Variants in STPG2 observed in about 807,000 individuals in gnomAD.
The protein encoded by STPG2 is sperm tail PG-rich repeat containing 2, also known as sperm-tail PG-rich repeat-containing protein 2.
A neutral mutation model predicts 54.2 loss-of-function variants in STPG2; 56 were observed. The ratio of observed to expected loss-of-function variants is 1.03; its 90% CI spans 0.83 to 1.29. STPG2 has a LOEUF of 1.29. Ranked by LOEUF, STPG2 falls within the 50% of genes most tolerant of loss-of-function variation. STPG2 has a pLI of 0.00. For missense variants in STPG2, 596 were observed against 544.9 expected, an observed-to-expected ratio of 1.09 and a Z score of -0.93; for synonymous variants, 200 against 181.8, an observed-to-expected ratio of 1.10 and a Z score of -0.81.
chr4:98,031,695 A>T (rs978034618), intron 5 of STPG2, among the ~76,000 whole-genome samples: 2 of 152,106 alleles, frequency 1.3e-5, no homozygotes, highest in Admixed American at 6.6e-5. Context: ...CAAAAAAAAT[A>T]AAAAATAAAA....
At chr4:97,660,063 C>T (rs372967459) in intron 10 of STPG2, among the ~76,000 whole-genome samples, 1 of 149,714 alleles carries the variant, frequency 6.7e-6, no homozygotes, top group Non-Finnish European at 1.5e-5. Flanking sequence ...AGTGCAGTGG[C>T]GCAATCTCAG....
chr4:97,836,861 A>G (rs1024950460), intron 9 of STPG2, among the ~76,000 whole-genome samples: 5 of 149,036 alleles, frequency 3.4e-5, no homozygotes, highest in African/African-American at 7.3e-5. Context: ...ATAAATGATA[A>G]TTAATAACAA....
intron 9 of STPG2, among the ~76,000 whole-genome samples, chr4:97,757,986 T>A (rs752788651): frequency 2.6e-5 from 4 of 152,224 alleles, no homozygotes; most frequent in African/African-American, 7.2e-5. Context: ...TGTAGAATAC[T>A]AAACAATTTT....
intron 8 of STPG2, among the ~76,000 whole-genome samples, chr4:97,934,053 G>T (rs1732654125): frequency 6.6e-6 from 1 of 152,160 alleles, no homozygotes; most frequent in Admixed American, 6.5e-5. Flanking sequence ...GCAGTGGTTT[G>T]TAGTTCTCCT....
intron 4 of STPG2, among the ~76,000 whole-genome samples, chr4:97,540,945 A>T (rs1413613960): frequency 6.6e-6 from 1 of 152,188 alleles, no homozygotes; most frequent in Admixed American, 6.5e-5. Context: ...ACTCTCAATA[A>T]ATTAGGTATG....
chr4:97,943,288 A>C (rs1194437768), intron 8 of STPG2, among the ~76,000 whole-genome samples: 19 of 152,178 alleles, frequency 1.2e-4, no homozygotes, highest in Non-Finnish European at 1.5e-5. Flanking sequence ...GGATACAAAC[A>C]TTTAGACTCT....
intron 8 of STPG2, among the ~76,000 whole-genome samples, chr4:97,849,561 A>G (rs887734619): frequency 3.7e-4 from 56 of 152,188 alleles, no homozygotes; most frequent in Non-Finnish European, 7.6e-4. Context: ...AATGAACTCA[A>G]ACAAATTCAC....
At chr4:97,565,576 T>C (rs959010096) in intron 10 of STPG2, among the ~76,000 whole-genome samples, 1 of 152,202 alleles carries the variant, frequency 6.6e-6, no homozygotes, top group African/African-American at 2.4e-5. Context: ...TATCTACTTT[T>C]GGTCTTTGAT....
chr4:97,814,306 A>G (rs1326772021), intron 9 of STPG2, among the ~76,000 whole-genome samples: 1 of 151,974 alleles, frequency 6.6e-6, no homozygotes, highest in East Asian at 1.9e-4. Context: ...TTAATTTAGG[A>G]CTTTCTAAGA....
intron 8 of STPG2, among the ~76,000 whole-genome samples, chr4:97,850,603 T>C (rs1374043316): frequency 6.6e-6 from 1 of 151,952 alleles, no homozygotes; most frequent in African/African-American, 2.4e-5. Context: ...CCATTAAAAT[T>C]TTATTTTCTA....
In STPG2 at chr4:97,884,132, G is replaced by C. The variant is rs1024808377; in HGVS notation, c.1045-43200C>G. On this transcript the variant is annotated intron_variant, in intron 8 of 10. Transcript: ENST00000295268. The stretch of plus-strand genomic sequence containing the variant: ...AAACCAAACTATTATGGGAAGAGAG[G>C]GGGGAAAGGAAGGGAGAATTGCTTT... 3.3e-5 allele frequency among the ~76,000 whole-genome samples: 5 copies of C among 152,032 alleles called. No individual in the cohort carries two copies. The South Asian group carries it at 6.2e-4, about 19-fold the overall frequency.
chr4:97,638,241 G>A (rs544159043), intron 10 of STPG2, among the ~76,000 whole-genome samples: 9 of 152,200 alleles, frequency 5.9e-5, no homozygotes, highest in African/African-American at 2.2e-4. Context: ...CAAGCAATGG[G>A]GAAAGGATTC....
intron 8 of STPG2, among the ~76,000 whole-genome samples, chr4:97,893,445 A>C (rs972269311): frequency 6.6e-6 from 1 of 152,078 alleles, no homozygotes; most frequent in Non-Finnish European, 1.5e-5. Context: ...TCTTTCGTTT[A>C]AAATAATTCC....
At chr4:97,786,192 C>A (rs1372160734) in intron 9 of STPG2, among the ~76,000 whole-genome samples, 4 of 119,150 alleles carry the variant, frequency 3.4e-5, no homozygotes, top group African/African-American at 1.4e-4. Context: ...CATGAGTTTG[C>A]CAATTAAAAA....
At chr4:97,647,863 G>A (rs1031140808) in intron 10 of STPG2, among the ~76,000 whole-genome samples, 1 of 152,146 alleles carries the variant, frequency 6.6e-6, no homozygotes, top group Non-Finnish European at 1.5e-5. Flanking sequence ...AGTCCAGCAG[G>A]CTGGCAGGGG....
At chr4:98,039,553 G>A (rs1736881268) in intron 5 of STPG2, among the ~76,000 whole-genome samples, 1 of 151,094 alleles carries the variant, frequency 6.6e-6, no homozygotes, top group Non-Finnish European at 1.5e-5. Context: ...GAGGGTGGAA[G>A]AGGGATGAGG....
At chr4:97,722,254 T>A (rs553300056) in intron 9 of STPG2, among the ~76,000 whole-genome samples, 4 of 152,140 alleles carry the variant, frequency 2.6e-5, no homozygotes, top group Non-Finnish European at 5.9e-5. Context: ...TTTCAAAACA[T>A]AACATTTTAC....
chr4:97,534,581 A>G (rs1250587978), intron 4 of STPG2, among the ~76,000 whole-genome samples: 1 of 152,136 alleles, frequency 6.6e-6, no homozygotes, highest in Non-Finnish European at 1.5e-5. Context: ...CAAATCAACT[A>G]TAGGACTATT....
intron 5 of STPG2, among the ~76,000 whole-genome samples, chr4:98,097,061 C>T (rs1313141748): frequency 6.6e-6 from 1 of 152,128 alleles, no homozygotes; most frequent in Admixed American, 6.5e-5. Flanking sequence ...GAACTAATAT[C>T]AATCCTACTC....
Sources: gnomAD v4.1 joint callset for allele counts (sites outside exome capture counted in the v4.1 genomes callset) on GRCh38, gnomAD v4.1.1 for gene constraint, MANE v1.5 for transcripts, NCBI Gene and HGNC (gene_info 2026-07-23, HGNC 2026-07-21) for gene names.